FAT2: variants seen among roughly 807,000 people sequenced by gnomAD.
FAT2 encodes the protein FAT atypical cadherin 2.
A neutral mutation model predicts 295.3 loss-of-function variants in FAT2; 150 were observed. The ratio of observed to expected loss-of-function variants is 0.51; its 90% confidence interval spans 0.44 to 0.58. The LOEUF is 0.58. Among genes scored for constraint, FAT2 ranks in the 20% least tolerant of loss-of-function variants. The pLI is 0.00. For missense variants in FAT2, 4,868 were observed against 5,442.7 expected (o/e 0.89, Z 3.32); for synonymous variants, 2,026 against 2,150.3 (o/e 0.94, Z 1.60).
intron 18 of FAT2, among the ~76,000 whole-genome samples, chr5:151,523,750 C>G (rs1753721995): frequency 6.6e-6 from 1 of 152,174 alleles, no homozygotes; most frequent in South Asian, 2.1e-4. Flanking sequence ...GAGCTGCCAA[C>G]TCCAATTCCC....
intron 20 of FAT2, among the ~76,000 whole-genome samples, chr5:151,515,726 C>T (rs1201708006): frequency 2.6e-5 from 4 of 152,194 alleles, no homozygotes; most frequent in Admixed American, 2.6e-4. Context: ...TCTGTCATCA[C>T]CCTGGTCTAA....
chr5:151,553,164 G>C lies in FAT2; in HGVS notation c.4156+13C>G, dbSNP rs2127626630. The C allele has an allele frequency of 6.2e-7, 1 of 1,613,996 alleles. No homozygotes were observed. The highest frequency in any genetic ancestry group is 8.5e-7 in the Non-Finnish European group (1 of 1,179,832). On this transcript the variant is annotated intron_variant, in intron 6 of 23. Coordinates refer to ENST00000261800, the MANE Select transcript of FAT2 (RefSeq NM_001447.3). ...AGGGGTTGGCCCTTGTTGGGCCCTA[G>C]GCCTTGCCTCACCTGAGATGTTGAA...
At position 151,505,837 on chromosome 5, in the gene FAT2, G is replaced by A. The variant is rs756029200; in HGVS notation, c.12778C>T (p.Arg4260Trp). The A allele has an allele frequency of 5.0e-6, 8 of 1,612,508 alleles. No homozygotes were observed. Among genetic ancestry groups the A allele is most frequent in the East Asian group, 2.2e-5 (1 of 44,876 alleles). The change falls in exon 24 of 24, where the codon CGG becomes TGG. Residue 4260 changes from arginine (R) to tryptophan (W), a missense_variant. Coordinates refer to ENST00000261800, the MANE Select transcript of FAT2 (RefSeq NM_001447.3). The part of the protein sequence containing the change: ...DLMPSRPPSP[R>W]ERLVAPCLNE... ...AGACAGGGGGCAACCAGGCGCTCCC[G>A]GGGACTAGGGGGCCGAGAGGGCATC...
intron 3 of FAT2, among the ~76,000 whole-genome samples, chr5:151,561,284 G>T (rs779106670): frequency 6.6e-6 from 1 of 152,220 alleles, no homozygotes; most frequent in Non-Finnish European, 1.5e-5. Context: ...CCATGTGACT[G>T]GAACATGGGG....
At chr5:151,581,701 A>G (rs1758961644) in intron 1 of FAT2, among the ~76,000 whole-genome samples, 1 of 152,222 alleles carries the variant, frequency 6.6e-6, no homozygotes, top group African/African-American at 2.4e-5. Flanking sequence ...AACTCCTGAG[A>G]TCACACAGCT....
chr5:151,517,237 T>A (rs550427103), intron 20 of FAT2, among the ~76,000 whole-genome samples: 20 of 152,374 alleles, frequency 1.3e-4, no homozygotes, highest in Admixed American at 2.0e-4. Flanking sequence ...AGGAAATTTA[T>A]TTTTCTTCCA....
intron 21 of FAT2, chr5:151,511,952 G>A (rs767674863): frequency 1.2e-5 from 7 of 580,120 alleles, no homozygotes; most frequent in Middle Eastern, 4.6e-4. Flanking sequence ...CATCCCCCCA[G>A]AAGTAGAAAG....
intron 2 of FAT2, among the ~76,000 whole-genome samples, chr5:151,564,885 C>T (rs970269880): frequency 5.3e-5 from 8 of 151,868 alleles, no homozygotes; most frequent in African/African-American, 1.9e-4. Flanking sequence ...CCAGCCTGGC[C>T]GACATGGCAA....
chr5:151,586,561 A>T (rs1456287528), intron 1 of FAT2, among the ~76,000 whole-genome samples: 1 of 152,190 alleles, frequency 6.6e-6, no homozygotes, highest in East Asian at 1.9e-4. Flanking sequence ...AGAAAACAGG[A>T]TATCTTAGCC....
intron 4 of FAT2, 185 bp downstream of exon 4, chr5:151,556,159 C>T: frequency 1.6e-6 from 1 of 612,362 alleles, no homozygotes; most frequent in Non-Finnish European, 2.9e-6. Context: ...CAGTTTCAGA[C>T]TCCTTCCCTT....
chr5:151,518,259 G>T (rs1312750691), intron 19 of FAT2, among the ~76,000 whole-genome samples: 2 of 151,838 alleles, frequency 1.3e-5, no homozygotes, highest in African/African-American at 4.8e-5. Flanking sequence ...TGAGGCAGGA[G>T]TATCACTTGA....
Position 151,551,397 on chromosome 5 carries a change from T to C in FAT2, c.4296+70A>G, listed in dbSNP as rs898107489. On this transcript the variant is annotated intron_variant, in intron 7 of 23. Coordinates refer to ENST00000261800, the MANE Select transcript of FAT2 (RefSeq NM_001447.3). ...ACACCACATCCACAGAAAACCTCTGTAGCCTCATCCCAACCAAGAAGGCCT... is the reference window on the plus strand; with the variant it reads ...ACACCACATCCACAGAAAACCTCTGCAGCCTCATCCCAACCAAGAAGGCCT... 8.4e-6 allele frequency: 13 copies of C among 1,551,004 alleles called. No individual in the cohort carries two copies. The East Asian group carries it at 2.7e-4, about 32-fold the overall frequency.
At chr5:151,534,992 TATATGTATAC>T (rs1755102475) in intron 12 of FAT2, among the ~76,000 whole-genome samples, 1 of 143,964 alleles carries the variant, frequency 6.9e-6, no homozygotes, top group Non-Finnish European at 1.5e-5. Context: ...TATATATATA[TATATGTATAC>T]ATTTTCTATA....
At position 151,505,448 on chromosome 5, in the gene FAT2, G is replaced by A; in HGVS notation, c.*117C>T. The A allele has an allele frequency of 8.0e-7, 1 of 1,255,326 alleles. No homozygotes were observed. Among genetic ancestry groups the A allele is most frequent in the Non-Finnish European group, 1.1e-6 (1 of 893,360 alleles). 77.8% of individuals were successfully genotyped at this position (1,255,326 alleles called of 1,614,324 possible). The stretch of plus-strand genomic sequence containing the variant: ...CACATTTCAAGGGACAACAGCCTGG[G>A]CTGAGGGCTTCCCTCCCACTCTCCC... On this transcript the variant is annotated 3_prime_UTR_variant, in exon 24 of 24. Transcript: ENST00000261800.
At chr5:151,552,613 C>T (rs1217646150) in intron 6 of FAT2, among the ~76,000 whole-genome samples, 1 of 152,172 alleles carries the variant, frequency 6.6e-6, no homozygotes, top group Admixed American at 6.5e-5. Flanking sequence ...AGGACCTAAG[C>T]GTTCGTCAGA....
chr5:151,505,980 G>T lies in FAT2; in HGVS notation c.12635C>A (p.Thr4212Asn), dbSNP rs748571786. ...PLPPSAHRHS[T>N]PVVMPEPNGL... ...ATTAGGCTCTGGCATCACGACTGGG[G>T]TTGAGTGGCGGTGAGCCGAGGGCGG... Residue 4212 changes from threonine to asparagine, a missense_variant, in exon 24 of 24, where the codon ACC (threonine) becomes AAC (asparagine). Around this residue, in one of 5 missense-constraint regions of FAT2, gnomAD observed 492 missense variants for 482.6 expected, o/e 1.02. Transcript: ENST00000261800. The T allele has an allele frequency of 1.3e-5, 20 of 1,573,798 alleles. No homozygotes were observed. Among genetic ancestry groups the T allele is most frequent in the Middle Eastern group, 3.4e-4 (2 of 5,846 alleles).
At chr5:151,534,768 A>G (rs1160309301) in intron 12 of FAT2, 126 bp from the exon 13 acceptor site, 2 of 715,574 alleles carry the variant, frequency 2.8e-6, no homozygotes, top group African/African-American at 3.5e-5. Context: ...GGAGGGGTCA[A>G]TACAGTCAGG....
intron 1 of FAT2, among the ~76,000 whole-genome samples, chr5:151,577,698 A>G (rs1758796468): frequency 6.6e-6 from 1 of 151,884 alleles, no homozygotes; most frequent in Non-Finnish European, 1.5e-5. Flanking sequence ...GGCAACGCAA[A>G]GGCCCTGAGA....
In FAT2 at chr5:151,521,431, G is replaced by A. The variant is rs1281300163; in HGVS notation, c.11162C>T (p.Ala3721Val). 6.2e-7 allele frequency: 1 copy of A among 1,614,216 alleles called. No homozygotes were observed. The highest frequency in any genetic ancestry group is 1.1e-5 in the South Asian group (1 of 91,088). Residue 3721 changes from alanine (A) to valine (V), a missense_variant, in exon 19 of 24, where the codon GCT becomes GTT. By Grantham distance (64) the Ala-to-Val change is moderately conservative (BLOSUM62 0). Coordinates refer to ENST00000261800, the MANE Select transcript of FAT2 (RefSeq NM_001447.3). Reference protein sequence around the residue: ...EHSVGVQMRSAMPMVPCQGPT... With the variant: ...EHSVGVQMRSVMPMVPCQGPT... ...CCCCTGGCAGGGCACCATGGGCATA[G>A]CTGACCGCATCTGAACCCCCACTGA...
Sources: allele counts gnomAD v4.1 joint callset (sites outside exome capture counted in the v4.1 genomes callset), GRCh38; gene constraint gnomAD v4.1.1; regional missense constraint gnomAD v4.1.1; transcripts MANE v1.5; gene names NCBI Gene and HGNC (gene_info 2026-07-23, HGNC 2026-07-21).